The following EXTL3 variants were observed in gnomAD, a reference collection of about 807,000 sequenced individuals.
EXTL3 encodes the protein exostosin like glycosyltransferase 3, also known as exostosin-like 3.
In EXTL3, 27 loss-of-function variants were observed where a neutral mutation model predicts 69.3. The ratio of observed to expected loss-of-function variants is 0.39; its 90% CI spans 0.29 to 0.54. The LOEUF is 0.54. EXTL3 is among the 20% of genes least tolerant of loss of function. The pLI is 0.69. For missense variants in EXTL3, 1,003 were observed against 1,231.8 expected (o/e 0.81, Z 2.78); for synonymous variants, 511 against 499.4 (o/e 1.02, Z -0.31).
At chr8:28,699,336 AAAAG>A (rs1161235372), upstream of EXTL3, 2 of 152,472 alleles carry the variant, frequency 1.3e-5, no homozygotes, top group African/African-American at 4.8e-5. Context: ...TGAGAAGGAA[AAAAG>A]AAAGTAGCCC....
At chr8:28,709,931 T>C (rs1023302683) in intron 1 of EXTL3, among the ~76,000 whole-genome samples, 1 of 152,160 alleles carries the variant, frequency 6.6e-6, no homozygotes, top group Non-Finnish European at 1.5e-5. Context: ...GACTCTCGAA[T>C]GGAGTGATTA....
chr8:28,721,651 AG>A, intron 3 of EXTL3, among the ~76,000 whole-genome samples: 3 of 152,288 alleles, frequency 2.0e-5, no homozygotes, highest in Middle Eastern at 6.8e-3. Flanking sequence ...CATCTGAGGG[AG>A]GACTGGGTCT....
At chr8:28,704,731 A>G (rs1208860775) in intron 1 of EXTL3, among the ~76,000 whole-genome samples, 2 of 151,536 alleles carry the variant, frequency 1.3e-5, no homozygotes, top group South Asian at 2.1e-4. Context: ...GTGCAATGGC[A>G]TGATCTCAGG....
chr8:28,733,592 T>A (rs1032121460), intron 4 of EXTL3, among the ~76,000 whole-genome samples: 1 of 148,582 alleles, frequency 6.7e-6, no homozygotes, highest in Non-Finnish European at 1.5e-5. Context: ...AGATGGGTTC[T>A]CACTTTATTG....
rs574275458 is a variant in EXTL3, at chr8:28,710,454, T to A, written c.-569-3003T>A. 121 of 456,046 alleles carry A rather than the reference T, an allele frequency of 2.7e-4. 1 individual carries two copies. The highest frequency in any genetic ancestry group is 1.8e-3 in the South Asian group (115 of 64,526). 28.2% of individuals were successfully genotyped at this position (456,046 alleles called of 1,614,324 possible). ...AAATGCAGACTGACTTAATATGAGGTGCACAGCATGGGTGAGAACGCAAGA... is the reference window on the plus strand; with the variant it reads ...AAATGCAGACTGACTTAATATGAGGAGCACAGCATGGGTGAGAACGCAAGA... On this transcript the variant is annotated intron_variant, in intron 1 of 6. Coordinates refer to ENST00000220562, the MANE Select transcript of EXTL3 (RefSeq NM_001440.4).
intron 1 of EXTL3, among the ~76,000 whole-genome samples, chr8:28,656,857 G>A (rs1415512468): frequency 6.6e-6 from 1 of 151,978 alleles, no homozygotes; most frequent in African/African-American, 2.4e-5. Flanking sequence ...TTGTTTCTGA[G>A]ATGAATGTGA....
At chr8:28,621,378 C>T (rs1186485949), upstream of EXTL3, among the ~76,000 whole-genome samples, 1 of 152,182 alleles carries the variant, frequency 6.6e-6, no homozygotes, top group Non-Finnish European at 1.5e-5. Flanking sequence ...AGGCCTGAAA[C>T]AATCTTTCCT....
intron 3 of EXTL3, among the ~76,000 whole-genome samples, chr8:28,722,807 A>G (rs539112329): frequency 5.3e-5 from 8 of 151,396 alleles, no homozygotes; most frequent in African/African-American, 1.9e-4. Flanking sequence ...GAGAGATACA[A>G]GATTATTATT....
intron 3 of EXTL3, among the ~76,000 whole-genome samples, chr8:28,729,565 C>T (rs1460598080): frequency 8.0e-6 from 1 of 124,520 alleles, no homozygotes. Context: ...GACTGCACTC[C>T]AGCCTGGGTG....
At chr8:28,668,204 C>T (rs1807226661) in intron 1 of EXTL3, among the ~76,000 whole-genome samples, 1 of 145,272 alleles carries the variant, frequency 6.9e-6, no homozygotes, top group Admixed American at 7.1e-5. Context: ...GAGTTCAAGG[C>T]TGCAGTGAGG....
intron 3 of EXTL3, among the ~76,000 whole-genome samples, chr8:28,727,487 T>G (rs1024752031): frequency 2.0e-5 from 3 of 152,242 alleles, no homozygotes; most frequent in Non-Finnish European, 2.9e-5. Context: ...GATTTGGTTG[T>G]TTGTAAATTA....
chr8:28,718,983 G>C (rs937307471), intron 3 of EXTL3, among the ~76,000 whole-genome samples: 5 of 152,192 alleles, frequency 3.3e-5, no homozygotes, highest in African/African-American at 1.2e-4. Context: ...CATTCTAGGA[G>C]AGAGATGGCG....
chr8:28,613,614 G>C (rs1425856777), intron 2 of EXTL3, among the ~76,000 whole-genome samples: 2 of 152,088 alleles, frequency 1.3e-5, no homozygotes, highest in African/African-American at 4.8e-5. Context: ...ATCTGGGCCT[G>C]GTGCTTTCTG....
intron 3 of EXTL3, among the ~76,000 whole-genome samples, chr8:28,725,971 TC>T (rs1563218874): frequency 6.7e-6 from 1 of 150,274 alleles, no homozygotes; most frequent in Non-Finnish European, 1.5e-5. Flanking sequence ...TTTTTTTTTT[TC>T]CGAGATGGAG....
chr8:28,689,176 G>A (rs1357560385), intron 1 of EXTL3, among the ~76,000 whole-genome samples: 2 of 151,922 alleles, frequency 1.3e-5, no homozygotes, highest in African/African-American at 4.8e-5. Context: ...GTCTTTTTTC[G>A]TAATTCTCCC....
intron 1 of EXTL3, among the ~76,000 whole-genome samples, chr8:28,662,685 G>A (rs1296298387): frequency 1.3e-5 from 2 of 152,174 alleles, no homozygotes; most frequent in African/African-American, 4.8e-5. Context: ...AGGCCAAGGC[G>A]GGTGGATAAT....
upstream of EXTL3, chr8:28,698,373 G>C (rs564103355): frequency 9.8e-5 from 15 of 152,352 alleles, no homozygotes; most frequent in Admixed American, 6.5e-4. Flanking sequence ...CACGAGTTAG[G>C]AAGATTTGCA....
At chr8:28,683,758 T>C (rs1380080242) in intron 1 of EXTL3, among the ~76,000 whole-genome samples, 1 of 151,694 alleles carries the variant, frequency 6.6e-6, no homozygotes, top group African/African-American at 2.4e-5. Flanking sequence ...TGCAGTGAGC[T>C]GAGATTGCCC....
intron 1 of EXTL3, chr8:28,710,340 G>A: frequency 2.6e-6 from 1 of 387,268 alleles, no homozygotes; most frequent in African/African-American, 2.1e-5. Context: ...AAGAGGTTGA[G>A]GACAAGCCTG....
Sources: gnomAD v4.1 joint callset for allele counts (sites outside exome capture counted in the v4.1 genomes callset) on GRCh38, gnomAD v4.1.1 for gene constraint, MANE v1.5 for transcripts, NCBI Gene and HGNC (gene_info 2026-07-23, HGNC 2026-07-21) for gene names.